ROBO4: variants seen among roughly 807,000 people sequenced by gnomAD.
ROBO4 encodes roundabout homolog 4.
A neutral mutation model predicts 103.3 loss-of-function variants in ROBO4; 80 were observed. That is an observed-to-expected ratio of 0.77 (90% CI 0.65 to 0.93). The LOEUF is 0.93. Among genes scored for constraint, ROBO4 ranks in the 40% least tolerant of loss-of-function variants. The pLI is 0.00. For synonymous variants in ROBO4, 504 were observed against 529.7 expected (o/e 0.95, Z 0.67); for missense variants, 1,333 against 1,305.3 (o/e 1.02, Z -0.33).
At chr11:124,893,540 T>G in intron 10 of ROBO4, 148 bp downstream of exon 10, 1 of 744,010 alleles carries the variant, frequency 1.3e-6, no homozygotes, top group South Asian at 1.5e-5. Context: ...GACAGAGAAA[T>G]GAACTATCAG....
Position 124,895,892 on chromosome 11 carries a change from G to A in ROBO4, c.700C>T (p.Pro234Ser). 2 of 1,613,954 alleles carry A rather than the reference G, an allele frequency of 1.2e-6. No individual in the cohort carries two copies. The highest frequency in any genetic ancestry group is 1.7e-6 in the Non-Finnish European group (2 of 1,180,010). Residue 234 changes from proline to serine, a missense_variant, in exon 5 of 18, where the codon CCT (proline) becomes TCT (serine). Coordinates refer to ENST00000306534, the MANE Select transcript of ROBO4 (RefSeq NM_019055.6). ...ATTCGCACAGCCAGAAGCTCCACAG[G>A]CTCCGTGTAGTCCTGGGGCTCTGTG... ...SIQEPQDYTE[P>S]VELLAVRIQL...
At position 124,884,572 on chromosome 11, in the gene ROBO4, T is replaced by G; in HGVS notation, c.*319A>C. 4.7e-6 allele frequency: 2 copies of G among 424,808 alleles called. No homozygotes were observed. The highest frequency in any genetic ancestry group is 8.5e-6 in the Non-Finnish European group (2 of 236,350). 26.3% of individuals were successfully genotyped at this position (424,808 alleles called of 1,614,324 possible). On this transcript the variant is annotated 3_prime_UTR_variant, in exon 18 of 18. Transcript: ENST00000306534. ...CCTCCACTTCCTGTGATCCAAATGG[T>G]GGGGGAAGAGCAGCAGGCAGGGCTG...
In ROBO4 at chr11:124,896,270, C is replaced by T; in HGVS notation, c.607G>A (p.Gly203Arg). The change falls in exon 4 of 18, where the codon GGG becomes AGG. Residue 203 changes from glycine (G) to arginine (R), a missense_variant. Physicochemically the swap from Gly to Arg is moderately radical, Grantham distance 125 (BLOSUM62 -2). Coordinates refer to ENST00000306534, the MANE Select transcript of ROBO4 (RefSeq NM_019055.6). ...LMARAEKSDE[G>R]TYMCVATNSA... ...TTGGTGGCCACACACATGTAGGTCCCTTCGTCACTCTTCTCTGCTCTTGCC... is the reference window on the plus strand; with the variant it reads ...TTGGTGGCCACACACATGTAGGTCCTTTCGTCACTCTTCTCTGCTCTTGCC... 1.2e-6 allele frequency: 2 copies of T among 1,614,136 alleles called. No individual in the cohort carries two copies. The highest frequency in any genetic ancestry group is 8.5e-7 in the Non-Finnish European group (1 of 1,180,022).
In ROBO4 at chr11:124,895,657, G is replaced by T. The variant is rs1339789671; in HGVS notation, c.836C>A (p.Ser279Tyr). 1 of 1,613,394 alleles carries T rather than the reference G, an allele frequency of 6.2e-7. No homozygotes were observed. The highest frequency in any genetic ancestry group is 8.5e-7 in the Non-Finnish European group (1 of 1,179,614). The change falls in exon 6 of 18, where the codon TCT (serine) becomes TAT (tyrosine). Residue 279 changes from serine to tyrosine, a missense_variant. Transcript: ENST00000306534. The part of the protein sequence containing the change: ...KVSGPAAPAQ[S>Y]YTALFRTQTA... ...CTGGGTCCTGAACAAGGCCGTGTAA[G>T]ATTGGGCAGGCGCAGCAGGGCCACT... is the stretch of plus-strand genomic sequence containing the variant.
intron 16 of ROBO4, 106 bp downstream of exon 16, chr11:124,886,358 A>G (rs1946711471): frequency 1.1e-6 from 1 of 878,324 alleles, no homozygotes; most frequent in Non-Finnish European, 1.8e-6. Context: ...CCTGAGATAC[A>G]ATAATCATTC....
rs11820142 is a variant in ROBO4 at position 124,894,280 on chromosome 11, T to C, written c.1239A>G (p.Pro413=). The change falls in exon 8 of 18, where the codon CCA becomes CCG. Residue 413 remains proline, a synonymous_variant. Transcript: ENST00000306534. Reference sequence around the variant, plus strand: ...CAGCCACTTGCACGCAGTAGGAGCCTGGCATATGGGTGGCGATTTCCAGCT... The same window carrying C: ...CAGCCACTTGCACGCAGTAGGAGCCCGGCATATGGGTGGCGATTTCCAGCT... ...QTQLEIATHM[P]GSYCVQVAAV... The C allele has an allele frequency of 4.5e-3, 7,184 of 1,614,060 alleles. 292 individuals carry two copies. The African/African-American group carries it at 0.083, about 19-fold the overall frequency.
In ROBO4 at chr11:124,897,739, G is replaced by T; in HGVS notation, c.57C>A (p.Leu19=). 2 of 1,614,046 alleles carry T rather than the reference G, an allele frequency of 1.2e-6. No individual in the cohort carries two copies. The highest frequency in any genetic ancestry group is 2.2e-5 in the South Asian group (2 of 91,074). The part of the protein sequence containing the change: ...LGGRGSLPLL[L]LLIMGGMAQD... The stretch of plus-strand genomic sequence containing the variant: ...AGAGCAACTCACCCATGATGAGCAG[G>T]AGCAGCAGAGGCAGGGAACCCCTGC... The change falls in exon 1 of 18, where the codon CTC becomes CTA. Residue 19 remains leucine (L), a synonymous_variant. Coordinates refer to ENST00000306534, the MANE Select transcript of ROBO4 (RefSeq NM_019055.6).
At position 124,897,094 on chromosome 11, in the gene ROBO4, G is replaced by A. The variant is rs760215531; in HGVS notation, c.238C>T (p.His80Tyr). Residue 80 changes from histidine to tyrosine, a missense_variant, in exon 2 of 18, where the codon CAC becomes TAC. Physicochemically the swap from His to Tyr is moderately conservative, Grantham distance 83. Transcript: ENST00000306534. ...QPLSMVPPDP[H>Y]HLLPDGTLLL... The stretch of plus-strand genomic sequence containing the variant: ...AGGGTCCCATCAGGCAGGAGGTGGT[G>A]TGGGTCTGGGGGCACCATGCTCAGG... The A allele has an allele frequency of 1.5e-5, 24 of 1,605,938 alleles. No individual in the cohort carries two copies. The highest frequency in any genetic ancestry group is 4.5e-5 in the South Asian group (4 of 89,674).
At chr11:124,895,732 A>G (rs753654881) in intron 5 of ROBO4, 47 bp from the exon 6 acceptor site, 1 of 1,612,778 alleles carries the variant, frequency 6.2e-7, no homozygotes, top group Non-Finnish European at 8.5e-7. Context: ...GAGCTCAGGA[A>G]CGCCCTTTCT....
intron 16 of ROBO4, 70 bp downstream of exon 16, chr11:124,886,394 A>C: frequency 8.4e-7 from 1 of 1,194,268 alleles, no homozygotes; most frequent in South Asian, 1.4e-5. Flanking sequence ...TTTAACAATG[A>C]TGACATGATA....
rs748898406 is a variant in ROBO4 at position 124,897,771 on chromosome 11, G to C, written c.25C>G (p.Leu9Val). The part of the protein sequence containing the change: MGSGGDSL[L>V]GGRGSLPLLL... ...AGAGGCAGGGAACCCCTGCCCCCCAGGAGGCTGTCTCCTCCAGAGCCCATG... is the reference window on the plus strand; with the variant it reads ...AGAGGCAGGGAACCCCTGCCCCCCACGAGGCTGTCTCCTCCAGAGCCCATG... Residue 9 changes from leucine to valine, a missense_variant, in exon 1 of 18, where the codon CTG (leucine) becomes GTG (valine). By Grantham distance (32) the Leu-to-Val change is conservative. Transcript: ENST00000306534. 1 of 1,613,916 alleles carries C rather than the reference G, an allele frequency of 6.2e-7. No individual in the cohort carries two copies. The highest frequency in any genetic ancestry group is 2.2e-5 in the East Asian group (1 of 44,858).
intron 16 of ROBO4, among the ~76,000 whole-genome samples, chr11:124,885,706 A>G (rs1565321006): frequency 6.6e-6 from 1 of 152,008 alleles, no homozygotes; most frequent in African/African-American, 2.4e-5. Context: ...TTCTGCTGAC[A>G]TGGAGATAAA....
chr11:124,894,170 G>A (rs1946843349), intron 8 of ROBO4, 31 bp downstream of exon 8: 3 of 1,588,844 alleles, frequency 1.9e-6, no homozygotes, highest in Non-Finnish European at 1.7e-6. Context: ...CAGGCTGAAG[G>A]GTAGGGTGGG....
intron 10 of ROBO4, chr11:124,892,211 G>A (rs1013501156): frequency 4.8e-5 from 18 of 374,844 alleles, no homozygotes; most frequent in Non-Finnish European, 7.3e-5. Flanking sequence ...ATGGCAATAG[G>A]GCCTTCCACA....
intron 7 of ROBO4, chr11:124,894,586 A>G (rs1431663109): frequency 5.4e-6 from 3 of 556,722 alleles, no homozygotes; most frequent in Admixed American, 6.6e-5. Flanking sequence ...GCTAAAACAC[A>G]TGTAACATAG....
intron 12 of ROBO4, among the ~76,000 whole-genome samples, chr11:124,889,481 C>G (rs56868855): frequency 0.021 from 3,158 of 152,256 alleles, 106 homozygotes; most frequent in African/African-American, 0.071. Context: ...AGTTTCAATT[C>G]TAATTGAATA....
chr11:124,895,743 T>C, intron 5 of ROBO4, 42 bp downstream of exon 5: 2 of 1,613,184 alleles, frequency 1.2e-6, no homozygotes, highest in Non-Finnish European at 1.7e-6. Context: ...CGCCCTTTCT[T>C]GAGCTCTGGA....
rs139580652 is a variant in ROBO4 at position 124,896,241 on chromosome 11, G to A, written c.636C>T (p.Ser212=). The A allele has an allele frequency of 1.2e-4, 198 of 1,613,996 alleles. No individual in the cohort carries two copies. The highest frequency in any genetic ancestry group is 1.5e-4 in the Non-Finnish European group (178 of 1,180,032). The change falls in exon 4 of 18, where the codon AGC becomes AGT. Residue 212 remains serine (S), a synonymous_variant. Transcript: ENST00000306534. ...CTGCGCGGCTCTCCCTATGTCCTGC[G>A]CTGTTGGTGGCCACACACATGTAGG... is the stretch of plus-strand genomic sequence containing the variant. ...EGTYMCVATN[S]AGHRESRAAR...
intron 12 of ROBO4, among the ~76,000 whole-genome samples, chr11:124,889,104 C>A (rs772793281): frequency 3.3e-5 from 5 of 152,314 alleles, no homozygotes; most frequent in Non-Finnish European, 5.9e-5. Context: ...AGTGGCCAGA[C>A]CTTCTGATCC....
Sources: allele counts gnomAD v4.1 joint callset (sites outside exome capture counted in the v4.1 genomes callset), GRCh38; gene constraint gnomAD v4.1.1; transcripts MANE v1.5; gene names NCBI Gene and HGNC (gene_info 2026-07-23, HGNC 2026-07-21).